VPS35L: variants seen among roughly 807,000 people sequenced by gnomAD.
The protein encoded by VPS35L is VPS35 endosomal protein sorting factor like, also known as VPS35 endosomal protein-sorting factor-like.
Under a neutral mutation model 133.0 loss-of-function variants are expected in VPS35L, and 83 were observed. The observed-to-expected ratio is 0.62, with a 90% CI of 0.52 to 0.75. The LOEUF (loss-of-function observed/expected upper bound fraction) is 0.75, where lower values mean the gene tolerates loss of function less well. VPS35L is among the 30% of genes least tolerant of loss of function. The pLI is 0.00. For synonymous variants in VPS35L, 423 were observed against 449.9 expected, an observed-to-expected ratio of 0.94 and a Z score of 0.76; for missense variants, 1,083 against 1,206.8, an observed-to-expected ratio of 0.90 and a Z score of 1.52.
At chr16:19,677,713 G>T (rs1975112822) in intron 27 of VPS35L, among the ~76,000 whole-genome samples, 1 of 152,188 alleles carries the variant, frequency 6.6e-6, no homozygotes, top group Non-Finnish European at 1.5e-5. Flanking sequence ...GCTGGTCTCT[G>T]ACAGCTTCCC....
chr16:19,683,229 T>C lies in VPS35L; in HGVS notation c.2527+839T>C, dbSNP rs535885931. 8.5e-5 allele frequency among the ~76,000 whole-genome samples: 13 copies of C among 152,286 alleles called. 1 individual carries two copies. Among genetic ancestry groups the C allele is most frequent in the African/African-American group, 2.9e-4 (12 of 41,560 alleles). On this transcript the variant is annotated intron_variant, in intron 28 of 30. Transcript: ENST00000417362. ...TGAGCCACCACACCTGGCCTTCCCTTCTTAATTTGCATCTTTAACAAGCAC... is the reference window on the plus strand; with the variant it reads ...TGAGCCACCACACCTGGCCTTCCCTCCTTAATTTGCATCTTTAACAAGCAC...
intron 1 of VPS35L, among the ~76,000 whole-genome samples, chr16:19,558,885 T>G (rs1368894362): frequency 3.4e-5 from 5 of 148,336 alleles, no homozygotes; most frequent in Admixed American, 6.8e-5. Flanking sequence ...ATCGCGCCAC[T>G]GCACTCCAGC....
chr16:19,657,012 C>T (rs888579587), intron 26 of VPS35L, among the ~76,000 whole-genome samples: 8 of 139,366 alleles, frequency 5.7e-5, no homozygotes, highest in Non-Finnish European at 9.0e-5. Flanking sequence ...GTCGTCCAGG[C>T]TGGACTGCAG....
At chr16:19,696,503 G>A (rs1313716101) in intron 29 of VPS35L, among the ~76,000 whole-genome samples, 1 of 152,134 alleles carries the variant, frequency 6.6e-6, no homozygotes, top group Non-Finnish European at 1.5e-5. Flanking sequence ...TGGGTGTGGT[G>A]GAGCTGGGAA....
intron 7 of VPS35L, 104 bp from the exon 8 acceptor site, chr16:19,591,686 G>A: frequency 7.4e-6 from 6 of 807,160 alleles, no homozygotes; most frequent in South Asian, 6.4e-5. Flanking sequence ...CACATAGTAA[G>A]TATCTCAACT....
In VPS35L at chr16:19,700,358, ATCTT is replaced by A. The variant is rs761625076; in HGVS notation, c.2794-14_2794-11del. The A allele has an allele frequency of 5.6e-6, 9 of 1,594,604 alleles. No individual in the cohort carries two copies. In the Admixed American group the frequency reaches 1.3e-4, roughly 24 times the overall value. ...GGATAATGAACCAGAAAGGAGATGG[ATCTT>A]TCTTTTTCCTCATAGGTGAAAACGC... On this transcript the variant is annotated splice_polypyrimidine_tract_variant and intron_variant, in intron 30 of 30. Coordinates refer to ENST00000417362, the MANE Select transcript of VPS35L (RefSeq NM_020314.7).
intron 26 of VPS35L, among the ~76,000 whole-genome samples, chr16:19,659,408 G>C (rs1466907313): frequency 6.6e-6 from 1 of 152,174 alleles, no homozygotes; most frequent in Non-Finnish European, 1.5e-5. Context: ...TAATTTATAT[G>C]TCCCAAGTGG....
intron 14 of VPS35L, among the ~76,000 whole-genome samples, chr16:19,620,435 T>C (rs892163430): frequency 1.3e-5 from 2 of 152,202 alleles, no homozygotes; most frequent in African/African-American, 2.4e-5. Context: ...ATTATAGTTA[T>C]GTAAATGGGA....
intron 2 of VPS35L, among the ~76,000 whole-genome samples, chr16:19,568,486 A>G (rs1322919236): frequency 6.6e-6 from 1 of 151,528 alleles, no homozygotes; most frequent in Non-Finnish European, 1.5e-5. Flanking sequence ...CACCTTCCCG[A>G]AGGATGGGGA....
chr16:19,663,257 G>A (rs891596177), intron 26 of VPS35L, among the ~76,000 whole-genome samples: 1 of 152,176 alleles, frequency 6.6e-6, no homozygotes, highest in Non-Finnish European at 1.5e-5. Context: ...GTTGTGTTGA[G>A]CCAAGATCAT....
intron 7 of VPS35L, among the ~76,000 whole-genome samples, chr16:19,591,048 C>G (rs1193498268): frequency 2.0e-5 from 3 of 152,084 alleles, no homozygotes; most frequent in Non-Finnish European, 4.4e-5. Flanking sequence ...TCAGCAATTC[C>G]CCGCAAAGCT....
At chr16:19,572,157 C>T (rs1405662959) in intron 3 of VPS35L, among the ~76,000 whole-genome samples, 1 of 152,098 alleles carries the variant, frequency 6.6e-6, no homozygotes, top group Non-Finnish European at 1.5e-5. Context: ...CAGTGGGTCA[C>T]GCCTGTAATC....
chr16:19,603,148 G>A (rs1972438362), intron 9 of VPS35L, among the ~76,000 whole-genome samples: 1 of 152,180 alleles, frequency 6.6e-6, no homozygotes, highest in African/African-American at 2.4e-5. Flanking sequence ...TTTAGCTCTT[G>A]AAGGCTTTTT....
intron 24 of VPS35L, among the ~76,000 whole-genome samples, chr16:19,649,423 A>G (rs1028231718): frequency 1.3e-5 from 2 of 152,166 alleles, no homozygotes; most frequent in African/African-American, 4.8e-5. Context: ...TTTTACATTT[A>G]TTCTTGCACA....
intron 9 of VPS35L, 37 bp downstream of exon 9, chr16:19,601,760 CT>C: frequency 6.2e-7 from 1 of 1,605,588 alleles, no homozygotes; most frequent in Non-Finnish European, 8.5e-7. Flanking sequence ...TCATTCTGCC[CT>C]GGAGTCAGGA....
At chr16:19,580,881 G>A (rs765804158) in intron 6 of VPS35L, among the ~76,000 whole-genome samples, 1 of 152,034 alleles carries the variant, frequency 6.6e-6, no homozygotes, top group Non-Finnish European at 1.5e-5. Flanking sequence ...TGAAATTGGG[G>A]TATATGTTCC....
intron 5 of VPS35L, among the ~76,000 whole-genome samples, chr16:19,575,451 A>T (rs1292903515): frequency 6.6e-6 from 1 of 151,684 alleles, no homozygotes; most frequent in Admixed American, 6.6e-5. Context: ...CCGTAATCCC[A>T]GCTACTCAGG....
At chr16:19,653,707 C>G (rs1974208099) in intron 26 of VPS35L, among the ~76,000 whole-genome samples, 1 of 152,240 alleles carries the variant, frequency 6.6e-6, no homozygotes, top group Admixed American at 6.5e-5. Flanking sequence ...TGGCGCCTCA[C>G]CACTTGTTGC....
chr16:19,594,518 C>T (rs967317559), intron 8 of VPS35L, among the ~76,000 whole-genome samples: 2 of 151,718 alleles, frequency 1.3e-5, no homozygotes, highest in African/African-American at 2.4e-5. Context: ...GTGGCAGGCA[C>T]CTGTAATTCC....
Sources: allele counts gnomAD v4.1 joint callset (sites outside exome capture counted in the v4.1 genomes callset), GRCh38; gene constraint gnomAD v4.1.1; transcripts MANE v1.5; gene names NCBI Gene and HGNC (gene_info 2026-07-23, HGNC 2026-07-21).